CREB5: variants seen among roughly 807,000 people sequenced by gnomAD.
CREB5 encodes cAMP responsive element binding protein 5, also known as cyclic AMP-responsive element-binding protein 5.
A neutral mutation model predicts 57.1 loss-of-function variants in CREB5; 19 were observed. That is an observed-to-expected ratio of 0.33 (90% CI 0.23 to 0.49). The LOEUF (loss-of-function observed/expected upper bound fraction) is 0.49, where lower values mean the gene tolerates loss of function less well. CREB5 is among the 20% of genes least tolerant of loss of function. The pLI, the probability that CREB5 is intolerant of heterozygous loss-of-function variation, is 0.99. For missense variants in CREB5, 579 were observed against 671.6 expected, an observed-to-expected ratio of 0.86 and a Z score of 1.52; for synonymous variants, 238 against 238.3, an observed-to-expected ratio of 1.00 and a Z score of 0.01.
Position 28,668,214 on chromosome 7 carries a change from G to C in CREB5, c.465-50539G>C, listed in dbSNP as rs1258903514. Among the ~76,000 whole-genome samples the C allele has an allele frequency of 7.9e-5, 12 of 152,208 alleles. No individual in the cohort carries two copies. In the East Asian group the frequency reaches 2.3e-3, roughly 29 times the overall value. On this transcript the variant is annotated intron_variant, in intron 5 of 10. Transcript: ENST00000357727. ...CTAATGCATGACCTCACTTTATGCTGTTCAGTTTTTATTAAATTCTTTGCT... is the reference window on the plus strand; with the variant it reads ...CTAATGCATGACCTCACTTTATGCTCTTCAGTTTTTATTAAATTCTTTGCT...
intron 1 of CREB5, among the ~76,000 whole-genome samples, chr7:28,479,451 A>G (rs1377490155): frequency 6.6e-6 from 1 of 152,218 alleles, no homozygotes; most frequent in African/African-American, 2.4e-5. Flanking sequence ...TTTTGCTAAC[A>G]TTTAGAAAGA....
chr7:28,303,083 G>A (rs1034885127), intron 1 of CREB5, among the ~76,000 whole-genome samples: 37 of 151,260 alleles, frequency 2.4e-4, no homozygotes, highest in African/African-American at 5.6e-4. Context: ...CAGAGGTTGC[G>A]GTGAGCCAAG....
intron 1 of CREB5, among the ~76,000 whole-genome samples, chr7:28,441,020 C>A (rs193052886): frequency 1.9e-4 from 29 of 152,078 alleles, no homozygotes; most frequent in Admixed American, 5.9e-4. Context: ...ATTTTTAGAC[C>A]CTTGTGTATT....
At chr7:28,601,135 A>G (rs1327900794) in intron 5 of CREB5, among the ~76,000 whole-genome samples, 3 of 152,086 alleles carry the variant, frequency 2.0e-5, no homozygotes. Flanking sequence ...CTTGGGAGAA[A>G]GTTGGACCTT....
intron 8 of CREB5, 79 bp from the exon 9 acceptor site, chr7:28,809,108 A>G (rs769417319): frequency 7.8e-5 from 104 of 1,325,816 alleles, no homozygotes; most frequent in Non-Finnish European, 1.0e-4. Context: ...TTTGCTTTTT[A>G]ACATCAGCTT....
At chr7:28,539,796 C>T (rs1390060892) in intron 4 of CREB5, among the ~76,000 whole-genome samples, 5 of 152,202 alleles carry the variant, frequency 3.3e-5, no homozygotes, top group African/African-American at 1.2e-4. Context: ...AAGACAAAAC[C>T]TGCCTTCGTC....
At chr7:28,618,007 T>G (rs1797656746) in intron 5 of CREB5, among the ~76,000 whole-genome samples, 1 of 152,156 alleles carries the variant, frequency 6.6e-6, no homozygotes, top group Admixed American at 6.5e-5. Context: ...AAGCGCTGCA[T>G]TAAAGGTACA....
intron 4 of CREB5, among the ~76,000 whole-genome samples, chr7:28,534,920 G>A (rs1405534154): frequency 7.1e-6 from 1 of 141,624 alleles, no homozygotes; most frequent in Non-Finnish European, 1.6e-5. Flanking sequence ...TGACTCTGGA[G>A]TCTGAGTTCT....
At chr7:28,300,825 C>T (rs1241217234) in intron 1 of CREB5, among the ~76,000 whole-genome samples, 1 of 152,146 alleles carries the variant, frequency 6.6e-6, no homozygotes, top group African/African-American at 2.4e-5. Context: ...AAATACTACT[C>T]TTCAGGGCCA....
chr7:28,336,654 T>C (rs1785828643), intron 1 of CREB5, among the ~76,000 whole-genome samples: 1 of 152,072 alleles, frequency 6.6e-6, no homozygotes, highest in African/African-American at 2.4e-5. Flanking sequence ...TTTCATTTCA[T>C]TGATCTTTTG....
At chr7:28,528,758 C>G (rs899796170) in intron 4 of CREB5, among the ~76,000 whole-genome samples, 4 of 91,426 alleles carry the variant, frequency 4.4e-5, no homozygotes, top group African/African-American at 7.9e-5. Flanking sequence ...ATTACCTTAA[C>G]CAATGTTTTA....
At chr7:28,499,034 C>G (rs1792169151) in intron 3 of CREB5, among the ~76,000 whole-genome samples, 1 of 152,034 alleles carries the variant, frequency 6.6e-6, no homozygotes, top group Admixed American at 6.6e-5. Flanking sequence ...AAATCATGAT[C>G]AAATTTCAGC....
At chr7:28,771,356 A>G (rs114201666) in intron 7 of CREB5, among the ~76,000 whole-genome samples, 1,754 of 152,212 alleles carry the variant, frequency 0.012, 32 homozygotes, top group African/African-American at 0.04. Context: ...TTCCCTCATC[A>G]AGGGAGCCAC....
intron 5 of CREB5, among the ~76,000 whole-genome samples, chr7:28,692,013 C>CAA (rs10660459): frequency 0.1 from 10,488 of 102,696 alleles, 1,102 homozygotes; most frequent in African/African-American, 0.27. Flanking sequence ...TACTAAAATA[C>CAA]AAAAAAAAAA....
intron 1 of CREB5, among the ~76,000 whole-genome samples, chr7:28,326,728 G>A (rs536807346): frequency 5.9e-5 from 9 of 152,280 alleles, no homozygotes; most frequent in African/African-American, 2.2e-4. Context: ...TAAATAGGTT[G>A]AGGTTGCATA....
intron 5 of CREB5, among the ~76,000 whole-genome samples, chr7:28,704,878 T>G (rs1358916541): frequency 1.3e-5 from 2 of 152,160 alleles, no homozygotes; most frequent in African/African-American, 4.8e-5. Context: ...TCAGAGGCAC[T>G]GAGGACACAG....
chr7:28,476,990 G>C (rs1233714964), intron 1 of CREB5, among the ~76,000 whole-genome samples: 1 of 152,210 alleles, frequency 6.6e-6, no homozygotes, highest in Non-Finnish European at 1.5e-5. Context: ...TTGCCCAGAG[G>C]GCAGGAACTG....
chr7:28,458,462 G>T (rs965888919), intron 1 of CREB5, among the ~76,000 whole-genome samples: 3 of 152,210 alleles, frequency 2.0e-5, no homozygotes. Context: ...TAAGTTTACA[G>T]GGACATTTAA....
At chr7:28,417,113 C>T (rs1361040956) in intron 1 of CREB5, among the ~76,000 whole-genome samples, 1 of 152,162 alleles carries the variant, frequency 6.6e-6, no homozygotes, top group Non-Finnish European at 1.5e-5. Flanking sequence ...GCCTCAGTTT[C>T]TTCATTTGTG....
Sources: allele counts gnomAD v4.1 joint callset (sites outside exome capture counted in the v4.1 genomes callset), GRCh38; gene constraint gnomAD v4.1.1; transcripts MANE v1.5; gene names NCBI Gene and HGNC (gene_info 2026-07-23, HGNC 2026-07-21).